The following KY variants were observed in gnomAD, a reference collection of about 807,000 sequenced individuals.
KY encodes kyphoscoliosis peptidase.
In KY, 43 loss-of-function variants were observed where a neutral mutation model predicts 76.1. The observed-to-expected ratio is 0.57, with a 90% CI of 0.44 to 0.73. The LOEUF (loss-of-function observed/expected upper bound fraction) is 0.73. Ranked by LOEUF, KY falls within the 30% of genes least tolerant of loss-of-function variation. The probability of loss-of-function intolerance (pLI) is 0.00; values close to 1 mark genes in which losing one functional copy is unlikely to be tolerated. For missense variants in KY, 722 were observed against 828.9 expected (o/e 0.87, Z 1.58); for synonymous variants, 277 against 326.2 (o/e 0.85, Z 1.63).
At chr3:134,620,880 T>C (rs371597309) in intron 6 of KY, 23 bp from the exon 7 acceptor site, 23 of 1,483,280 alleles carry the variant, frequency 1.6e-5, no homozygotes, top group Non-Finnish European at 1.6e-5. Context: ...AAGGGTGTGC[T>C]GTATTAGGGC....
chr3:134,608,819 A>G lies in KY; in HGVS notation c.920T>C (p.Leu307Pro). The change falls in exon 10 of 11, where the codon CTC (leucine) becomes CCC (proline). Residue 307 changes from leucine to proline, a missense_variant. Leu to Pro is a moderately conservative substitution (Grantham distance 98, BLOSUM62 -3). Transcript: ENST00000423778. ...FTFLYNEFYF[L>P]THPALFIEDH... ...CTCGATGAACAGTGCAGGGTGGGTGAGGAAGTAGAACTCATTGTAGCTGGA... is the reference window on the plus strand; with the variant it reads ...CTCGATGAACAGTGCAGGGTGGGTGGGGAAGTAGAACTCATTGTAGCTGGA... 6.2e-7 allele frequency: 1 copy of G among 1,612,246 alleles called. No homozygotes were observed. The highest frequency in any genetic ancestry group is 8.5e-7 in the Non-Finnish European group (1 of 1,178,506).
intron 3 of KY, among the ~76,000 whole-genome samples, chr3:134,642,930 T>TGG (rs1307792428): frequency 6.6e-6 from 1 of 152,190 alleles, no homozygotes; most frequent in Admixed American, 6.5e-5. Context: ...GGAGTACCTG[T>TGG]CAAACAGGGT....
intron 9 of KY, among the ~76,000 whole-genome samples, chr3:134,609,284 C>T (rs1052749005): frequency 2.0e-5 from 3 of 152,222 alleles, no homozygotes; most frequent in East Asian, 3.9e-4. Context: ...TCTCCAGGGC[C>T]GACTGGAGTG....
chr3:134,608,596 T>C lies in KY; in HGVS notation c.1090+53A>G. The stretch of plus-strand genomic sequence containing the variant: ...TCTCAGGCGGGCTCCTGGAGGACAG[T>C]GCGAAATGCTCCATTCCTGCTGCTA... On this transcript the variant is annotated intron_variant, in intron 10 of 10. Transcript: ENST00000423778. 2.5e-6 allele frequency: 4 copies of C among 1,613,644 alleles called. No homozygotes were observed. In the South Asian group the frequency reaches 3.3e-5, roughly 13 times the overall value.
chr3:134,612,796 T>TGTGTGTGTGTGTG (rs1553807340), intron 8 of KY, among the ~76,000 whole-genome samples: 13 of 148,980 alleles, frequency 8.7e-5, no homozygotes, highest in East Asian at 5.9e-4. Context: ...TGTGTGTGTG[T>TGTGTGTGTGTGTG]TGCCTGCATG....
intron 6 of KY, among the ~76,000 whole-genome samples, chr3:134,623,317 A>T (rs1962945314): frequency 6.6e-6 from 1 of 152,132 alleles, no homozygotes; most frequent in Non-Finnish European, 1.5e-5. Context: ...GGCCCTTTGC[A>T]GACTCCAGAC....
chr3:134,619,111 G>C, intron 8 of KY, 37 bp downstream of exon 8: 1 of 1,521,712 alleles, frequency 6.6e-7, no homozygotes. Context: ...AGAGGGATGG[G>C]TCCGGTGGTC....
intron 10 of KY, chr3:134,608,212 C>T: frequency 8.4e-7 from 1 of 1,185,164 alleles, no homozygotes; most frequent in Non-Finnish European, 1.1e-6. Context: ...AGGCCAGTAG[C>T]TTCTGTTGGG....
intron 7 of KY, among the ~76,000 whole-genome samples, chr3:134,620,234 G>T (rs1459939413): frequency 6.6e-6 from 1 of 152,192 alleles, no homozygotes; most frequent in African/African-American, 2.4e-5. Context: ...AGGTCCCTCA[G>T]GTGGCTCCAA....
chr3:134,638,618 C>A (rs538463423), intron 3 of KY, among the ~76,000 whole-genome samples: 2 of 152,376 alleles, frequency 1.3e-5, no homozygotes, highest in African/African-American at 4.8e-5. Flanking sequence ...TCCCTGGCCC[C>A]TTTCCTAGAC....
chr3:134,642,951 CTTAAT>C (rs1053672598), intron 3 of KY, among the ~76,000 whole-genome samples: 3 of 152,152 alleles, frequency 2.0e-5, no homozygotes, highest in Non-Finnish European at 4.4e-5. Context: ...TGCTGTGAAG[CTTAAT>C]TTACATGAGA....
Position 134,602,370 on chromosome 3 carries a change from A to G in KY, c.*1209T>C, listed in dbSNP as rs994473969. On this transcript the variant is annotated 3_prime_UTR_variant, in exon 11 of 11. Transcript: ENST00000423778. ...CTCTCAGTCTGTGCCTGAGCAAGCA[A>G]GGAGCCCTGAGCTGTCCCCATGCAA... Among the ~76,000 whole-genome samples the G allele has an allele frequency of 2.0e-5, 3 of 152,116 alleles. No individual in the cohort carries two copies. The highest frequency in any genetic ancestry group is 7.2e-5 in the African/African-American group (3 of 41,428).
Position 134,627,797 on chromosome 3 carries a change from C to G in KY, c.359G>C (p.Gly120Ala). The G allele has an allele frequency of 6.2e-7, 1 of 1,613,698 alleles. No homozygotes were observed. Among genetic ancestry groups the G allele is most frequent in the Non-Finnish European group, 8.5e-7 (1 of 1,179,614 alleles). Residue 120 changes from glycine to alanine, a missense_variant, in exon 5 of 11, where the codon GGA becomes GCA. Gly to Ala is a moderately conservative substitution (Grantham distance 60). This residue lies in a region of KY where 170 missense variants were observed against 148.1 expected (regional missense o/e 1.15). Transcript: ENST00000423778. Reference protein sequence around the residue: ...LAKRLQGDKNGNTRPRQPGGK... With the variant: ...LAKRLQGDKNANTRPRQPGGK... Reference sequence around the variant, plus strand: ...TCCAGGTTGCCGGGGTCTTGTGTTTCCATTTTTATCACCTTGTAAACCTAC... The same window carrying G: ...TCCAGGTTGCCGGGGTCTTGTGTTTGCATTTTTATCACCTTGTAAACCTAC...
intron 10 of KY, among the ~76,000 whole-genome samples, chr3:134,606,772 C>T (rs923234889): frequency 1.1e-4 from 16 of 151,966 alleles, no homozygotes; most frequent in Admixed American, 2.6e-4. Context: ...CTAGCCACCC[C>T]TGCAGACCTC....
At chr3:134,610,151 CT>C (rs749526061) in intron 9 of KY, 43 bp downstream of exon 9, 1 of 1,577,362 alleles carries the variant, frequency 6.3e-7, no homozygotes, top group East Asian at 2.2e-5. Flanking sequence ...ACATCCTCCA[CT>C]TCCACCTGCC....
intron 3 of KY, among the ~76,000 whole-genome samples, chr3:134,637,098 C>A (rs550401816): frequency 6.6e-6 from 1 of 152,222 alleles, no homozygotes; most frequent in Non-Finnish European, 1.5e-5. Flanking sequence ...TACAATGTGG[C>A]CTCTGCAAAG....
chr3:134,616,715 A>G (rs1961627055), intron 8 of KY, among the ~76,000 whole-genome samples: 1 of 152,234 alleles, frequency 6.6e-6, no homozygotes, highest in African/African-American at 2.4e-5. Context: ...GGACCAGGGC[A>G]AAAAGCTGAC....
chr3:134,626,882 T>C (rs7653807), intron 5 of KY, among the ~76,000 whole-genome samples: 96,650 of 151,792 alleles, frequency 0.64, 31,420 homozygotes, highest in East Asian at 0.88. Context: ...CTTGCCTCTT[T>C]TCAGTGCCCT....
chr3:134,608,800 G>T lies in KY; in HGVS notation c.939C>A (p.Phe313Leu), dbSNP rs1261152482. 6.2e-7 allele frequency: 1 copy of T among 1,613,940 alleles called. No homozygotes were observed. The highest frequency in any genetic ancestry group is 8.5e-7 in the Non-Finnish European group (1 of 1,179,846). The change falls in exon 10 of 11, where the codon TTC becomes TTA. Residue 313 changes from phenylalanine (F) to leucine (L), a missense_variant. Phe to Leu is a conservative substitution (Grantham distance 22). Around this residue, in one of 2 missense-constraint regions of KY, gnomAD observed 552 missense variants for 680.9 expected, o/e 0.81. Transcript: ENST00000423778. ...TGTTGTCTGGGAAGTGGTCCTCGAT[G>T]AACAGTGCAGGGTGGGTGAGGAAGT... ...EFYFLTHPAL[F>L]IEDHFPDNKN...
Sources: allele counts gnomAD v4.1 joint callset (sites outside exome capture counted in the v4.1 genomes callset), GRCh38; gene constraint gnomAD v4.1.1; regional missense constraint gnomAD v4.1.1; transcripts MANE v1.5; gene names NCBI Gene and HGNC (gene_info 2026-07-23, HGNC 2026-07-21).